The following ROBO2 variants were observed in gnomAD, a reference collection of about 807,000 sequenced individuals.
ROBO2 encodes roundabout guidance receptor 2.
In ROBO2, 53 loss-of-function variants were observed where a neutral mutation model predicts 160.8. That is an observed-to-expected ratio of 0.33 (90% CI 0.26 to 0.41). The LOEUF is 0.41. ROBO2 is among the 10% of genes least tolerant of loss of function. ROBO2 has a pLI of 1.00. For missense variants in ROBO2, 1,577 were observed against 1,722.4 expected, an observed-to-expected ratio of 0.92 and a Z score of 1.49; for synonymous variants, 664 against 611.7, an observed-to-expected ratio of 1.09 and a Z score of -1.26.
exon 21 of ROBO2, chr3:77,607,879 C>T: frequency 6.2e-7 from 1 of 1,614,044 alleles, no homozygotes; most frequent in Admixed American, 1.7e-5. Flanking sequence ...GCCAATGTCC[C>T]TCTACCTCCC....
chr3:76,080,743 A>C (rs763077999), intron 2 of ROBO2, among the ~76,000 whole-genome samples: 3 of 152,224 alleles, frequency 2.0e-5, no homozygotes, highest in Non-Finnish European at 2.9e-5. Context: ...TCAACCATCT[A>C]CAACGGATCT....
intron 2 of ROBO2, among the ~76,000 whole-genome samples, chr3:76,555,362 AG>A (rs149105766): frequency 5.3e-4 from 27 of 50,536 alleles, no homozygotes; most frequent in South Asian, 2.1e-3. Context: ...GGAAGAGAGA[AG>A]AAGAAGAAGA....
chr3:77,563,208 C>T (rs1316175089), exon 11 of ROBO2: 1 of 1,613,444 alleles, frequency 6.2e-7, no homozygotes, highest in Admixed American at 1.7e-5. Flanking sequence ...TTTAAGTGAC[C>T]TGCCAGGGCC....
At chr3:76,478,142 A>G (rs930393977) in intron 2 of ROBO2, among the ~76,000 whole-genome samples, 7 of 148,610 alleles carry the variant, frequency 4.7e-5, no homozygotes, top group Non-Finnish European at 6.0e-5. Flanking sequence ...TCATCATTTA[A>G]CATTAGGTAT....
chr3:76,558,851 C>A (rs1424058788), intron 2 of ROBO2, among the ~76,000 whole-genome samples: 1 of 152,076 alleles, frequency 6.6e-6, no homozygotes, highest in African/African-American at 2.4e-5. Context: ...GACTTTTCTG[C>A]CGATAATGTG....
intron 2 of ROBO2, among the ~76,000 whole-genome samples, chr3:76,272,591 A>G (rs1482829548): frequency 1.4e-5 from 2 of 146,732 alleles, no homozygotes; most frequent in East Asian, 2.0e-4. Flanking sequence ...GGAATCTGGG[A>G]GGCGGAAGTT....
At chr3:76,398,858 T>C (rs552832511) in intron 2 of ROBO2, among the ~76,000 whole-genome samples, 8 of 151,922 alleles carry the variant, frequency 5.3e-5, no homozygotes, top group Non-Finnish European at 8.8e-5. Context: ...ATATATTGCC[T>C]AGAGGTGCAA....
At chr3:77,578,549 T>C (rs2093828179) in intron 15 of ROBO2, among the ~76,000 whole-genome samples, 1 of 152,100 alleles carries the variant, frequency 6.6e-6, no homozygotes, top group Non-Finnish European at 1.5e-5. Context: ...TCTAAGGAAA[T>C]ATTAATTTTT....
intron 2 of ROBO2, among the ~76,000 whole-genome samples, chr3:76,260,453 C>T (rs1559693938): frequency 6.6e-6 from 1 of 152,046 alleles, no homozygotes; most frequent in Non-Finnish European, 1.5e-5. Flanking sequence ...ACTAAAAATA[C>T]ATCTTTGCTT....
intron 2 of ROBO2, among the ~76,000 whole-genome samples, chr3:76,426,140 G>GT (rs2076211993): frequency 6.6e-6 from 1 of 152,112 alleles, no homozygotes; most frequent in African/African-American, 2.4e-5. Context: ...GAGAAATCCG[G>GT]TTTTTGAAAA....
chr3:77,027,504 A>G (rs546013693), intron 2 of ROBO2, among the ~76,000 whole-genome samples: 1 of 152,348 alleles, frequency 6.6e-6, no homozygotes, highest in African/African-American at 2.4e-5. Flanking sequence ...TGGGCAATCA[A>G]TGTAAAACCA....
In ROBO2 at chr3:76,194,369, T is replaced by TATAC. The variant is rs1553672786; in HGVS notation, c.109+256770_109+256771insCATA. Among the ~76,000 whole-genome samples the TATAC allele has an allele frequency of 3.8e-3, 466 of 121,522 alleles. 9 individuals are homozygous for TATAC. The highest frequency in any genetic ancestry group is 0.015 in the African/African-American group (442 of 29,496). 79.7% of individuals were successfully genotyped at this position (121,522 alleles called of 152,430 possible). ...TGGTGTGTAAATATATATATATATA[T>TATAC]ATATATATATATATATAGTGTGAGG... On this transcript the variant is annotated intron_variant, in intron 2 of 26. Transcript: ENST00000487694.
chr3:76,589,446 G>A (rs921987379), intron 2 of ROBO2, among the ~76,000 whole-genome samples: 6 of 152,026 alleles, frequency 3.9e-5, no homozygotes, highest in African/African-American at 1.4e-4. Flanking sequence ...GACTACAGGC[G>A]CCGCCACCAC....
chr3:77,115,997 G>A (rs2074159748), intron 2 of ROBO2, among the ~76,000 whole-genome samples: 3 of 152,262 alleles, frequency 2.0e-5, no homozygotes, highest in South Asian at 4.2e-4. Context: ...TCAGTGTGTA[G>A]AATCAGGATT....
rs116763450 is a variant in ROBO2 at position 76,913,752 on chromosome 3, G to A, written c.110-184262G>A. On this transcript the variant is annotated intron_variant, in intron 2 of 26. Coordinates refer to the ROBO2 transcript ENST00000487694. ...TCTAGCGAATAATACTCCTTTAGAT[G>A]AGTAACTGTGAATAATACTCCTTTA... Among the ~76,000 whole-genome samples the A allele has an allele frequency of 5.9e-3, 902 of 152,202 alleles. 7 individuals are homozygous for A. Among genetic ancestry groups the A allele is most frequent in the African/African-American group, 0.021 (880 of 41,504 alleles).
intron 2 of ROBO2, among the ~76,000 whole-genome samples, chr3:77,013,966 G>C (rs1200675400): frequency 1.3e-5 from 2 of 152,060 alleles, no homozygotes; most frequent in African/African-American, 4.8e-5. Flanking sequence ...CTGAATTTTA[G>C]ATGGTATAAA....
At chr3:76,698,635 G>C (rs867423844) in intron 2 of ROBO2, among the ~76,000 whole-genome samples, 7 of 152,186 alleles carry the variant, frequency 4.6e-5, no homozygotes, top group Admixed American at 1.3e-4. Context: ...CTGTGTTCAA[G>C]TGCACAGTGT....
intron 2 of ROBO2, among the ~76,000 whole-genome samples, chr3:76,691,208 G>A (rs1025316549): frequency 1.3e-5 from 2 of 151,956 alleles, no homozygotes; most frequent in Non-Finnish European, 2.9e-5. Context: ...GAATAAGTTC[G>A]GCCCAATTTT....
chr3:77,194,289 T>C (rs536347608), intron 2 of ROBO2, among the ~76,000 whole-genome samples: 1 of 152,318 alleles, frequency 6.6e-6, no homozygotes, highest in South Asian at 2.1e-4. Flanking sequence ...CCATTCCTGC[T>C]AATTAATGCC....
Sources: gnomAD v4.1 joint callset for allele counts (sites outside exome capture counted in the v4.1 genomes callset) on GRCh38, gnomAD v4.1.1 for gene constraint, MANE v1.5 for transcripts, NCBI Gene and HGNC (gene_info 2026-07-23, HGNC 2026-07-21) for gene names.